Variants in UQCC2 observed in about 807,000 individuals in gnomAD.
UQCC2 encodes the protein breast cancer-associated protein SGA-81M.
Under a neutral mutation model 19.9 loss-of-function variants are expected in UQCC2, and 21 were observed. The ratio of observed to expected loss-of-function variants is 1.05; its 90% CI spans 0.75 to 1.52. The LOEUF is 1.52. UQCC2 is among the 40% of genes most tolerant of loss of function. The pLI is 0.00. For synonymous variants in UQCC2, 57 were observed against 60.9 expected, an observed-to-expected ratio of 0.94 and a Z score of 0.30; for missense variants, 135 against 157.5, an observed-to-expected ratio of 0.86 and a Z score of 0.76.
chr6:33,711,697 G>C lies in UQCC2; in HGVS notation c.-11C>G. 1.2e-6 allele frequency: 2 copies of C among 1,603,132 alleles called. No homozygotes were observed. The highest frequency in any genetic ancestry group is 1.7e-6 in the Non-Finnish European group (2 of 1,176,300). Reference sequence around the variant, plus strand: ...CCGGCTGGCCGCCATCTTGGGCCCCGCGTGTTCCCGCCTTAGCGGGAGGAG... The same window carrying C: ...CCGGCTGGCCGCCATCTTGGGCCCCCCGTGTTCCCGCCTTAGCGGGAGGAG... On this transcript the variant is annotated 5_prime_UTR_variant, in exon 1 of 4. Coordinates refer to ENST00000607484, the MANE Select transcript of UQCC2 (RefSeq NM_032340.4).
In UQCC2 at chr6:33,697,596, A is replaced by G. The variant is rs1353101936; in HGVS notation, c.*57T>C. On this transcript the variant is annotated 3_prime_UTR_variant, in exon 4 of 4. Transcript: ENST00000607484. Reference sequence around the variant, plus strand: ...AGGGGAAACTGGGGCAGTTTTATTGACGATGGCAATGTACAAGACTCCACA... The same window carrying G: ...AGGGGAAACTGGGGCAGTTTTATTGGCGATGGCAATGTACAAGACTCCACA... 7.4e-7 allele frequency: 1 copy of G among 1,356,258 alleles called. No individual in the cohort carries two copies. Among genetic ancestry groups the G allele is most frequent in the Non-Finnish European group, 1.0e-6 (1 of 979,962 alleles). The allele number at this position is 1,356,258 out of a possible 1,614,324, so 84.0% of individuals were successfully genotyped here.
At chr6:33,702,822 A>C (rs1034006561) in intron 1 of UQCC2, among the ~76,000 whole-genome samples, 3 of 152,240 alleles carry the variant, frequency 2.0e-5, no homozygotes, top group Non-Finnish European at 4.4e-5. Context: ...GAGCATAAAT[A>C]AATCAGTAGT....
chr6:33,701,250 A>T lies in UQCC2; in HGVS notation c.213+96T>A, dbSNP rs1765636270. On this transcript the variant is annotated intron_variant, in intron 2 of 3. Transcript: ENST00000607484. ...GGTTTCATTTGAACGCAGCAAAGCCAAGTCTTTACAAAACATTACCTAATC... is the reference window on the plus strand; with the variant it reads ...GGTTTCATTTGAACGCAGCAAAGCCTAGTCTTTACAAAACATTACCTAATC... 25 of 1,344,438 alleles carry T rather than the reference A, an allele frequency of 1.9e-5. No individual in the cohort carries two copies. The South Asian group carries it at 3.1e-4, about 16-fold the overall frequency. The allele number at this position is 1,344,438 out of a possible 1,614,324, so 83.3% of individuals were successfully genotyped here.
chr6:33,706,052 A>C (rs543300702), intron 1 of UQCC2, among the ~76,000 whole-genome samples: 1 of 152,284 alleles, frequency 6.6e-6, no homozygotes, highest in South Asian at 2.1e-4. Context: ...TTAAACTTTT[A>C]TACATACAAA....
chr6:33,711,411 GA>G, intron 1 of UQCC2, 137 bp downstream of exon 1: 16 of 1,281,936 alleles, frequency 1.2e-5, no homozygotes, highest in African/African-American at 4.6e-5. Flanking sequence ...CTCCCTGGGG[GA>G]AAAAGGGGGT....
chr6:33,700,687 T>G (rs949974957), intron 2 of UQCC2, among the ~76,000 whole-genome samples, 174 bp from the exon 3 acceptor site: 1 of 152,142 alleles, frequency 6.6e-6, no homozygotes, highest in African/African-American at 2.4e-5. Context: ...CAGTACAGTC[T>G]CCAGGAGGCA....
At chr6:33,699,136 G>T (rs945638017) in intron 3 of UQCC2, among the ~76,000 whole-genome samples, 5 of 152,120 alleles carry the variant, frequency 3.3e-5, no homozygotes, top group Non-Finnish European at 5.9e-5. Context: ...GCACATTTCA[G>T]ACTTGCCAGG....
chr6:33,697,374 C>T lies in UQCC2; in HGVS notation c.*279G>A. ...GCTCCCGTGGCAATGCAGGAAGCACCTTGTGCCGAGGCCCCATTACCCTCA... is the reference window on the plus strand; with the variant it reads ...GCTCCCGTGGCAATGCAGGAAGCACTTTGTGCCGAGGCCCCATTACCCTCA... On this transcript the variant is annotated 3_prime_UTR_variant, in exon 4 of 4. Coordinates refer to ENST00000607484, the MANE Select transcript of UQCC2 (RefSeq NM_032340.4). 3.0e-6 allele frequency: 1 copy of T among 337,146 alleles called. No individual in the cohort carries two copies. The highest frequency in any genetic ancestry group is 5.4e-6 in the Non-Finnish European group (1 of 186,678). 20.9% of individuals were successfully genotyped at this position (337,146 alleles called of 1,614,324 possible).
At position 33,697,567 on chromosome 6, in the gene UQCC2, G is replaced by C. The variant is rs1207907623; in HGVS notation, c.*86C>G. On this transcript the variant is annotated 3_prime_UTR_variant, in exon 4 of 4. Coordinates refer to ENST00000607484, the MANE Select transcript of UQCC2 (RefSeq NM_032340.4). ...CTAGAGGAGATTCCCAAACCGTAAGGTCAAGGGGAAACTGGGGCAGTTTTA... is the reference window on the plus strand; with the variant it reads ...CTAGAGGAGATTCCCAAACCGTAAGCTCAAGGGGAAACTGGGGCAGTTTTA... The C allele has an allele frequency of 9.6e-7, 1 of 1,043,792 alleles. No individual in the cohort carries two copies. Among genetic ancestry groups the C allele is most frequent in the Non-Finnish European group, 1.4e-6 (1 of 710,912 alleles). The allele number at this position is 1,043,792 out of a possible 1,614,324, so 64.7% of individuals were successfully genotyped here. A position where few individuals can be genotyped will look rare whatever the true frequency, so the allele number is the denominator to read the frequency against.
chr6:33,700,612 GC>G (rs1765627977), intron 2 of UQCC2, 99 bp from the exon 3 acceptor site: 3 of 1,273,614 alleles, frequency 2.4e-6, no homozygotes, highest in Non-Finnish European at 3.4e-6. Context: ...GCAACCAGAG[GC>G]CAGGAGGCCT....
intron 3 of UQCC2, among the ~76,000 whole-genome samples, chr6:33,699,855 G>A (rs1211491408): frequency 1.3e-5 from 2 of 152,206 alleles, no homozygotes; most frequent in East Asian, 1.9e-4. Context: ...TAATTTTCCA[G>A]TACCTGCCTA....
In UQCC2 at chr6:33,697,663, T is replaced by G; in HGVS notation, c.371A>C (p.His124Pro). 1 of 1,613,336 alleles carries G rather than the reference T, an allele frequency of 6.2e-7. No homozygotes were observed. The highest frequency in any genetic ancestry group is 1.3e-5 in the African/African-American group (1 of 75,022). The change falls in exon 4 of 4, where the codon CAT becomes CCT. Residue 124 changes from histidine (H) to proline (P), a missense_variant. By Grantham distance (77) the His-to-Pro change is moderately conservative (BLOSUM62 -2). Coordinates refer to ENST00000607484, the MANE Select transcript of UQCC2 (RefSeq NM_032340.4). ...KFAPKGPEED[H>P]KA Reference sequence around the variant, plus strand: ...AGGTAAGGCCTGAGCTCAGGCCTTATGATCCTCCTCAGGACCCTTGGGGGC... The same window carrying G: ...AGGTAAGGCCTGAGCTCAGGCCTTAGGATCCTCCTCAGGACCCTTGGGGGC...
chr6:33,697,117 C>T lies in UQCC2; in HGVS notation c.*536G>A. On this transcript the variant is annotated 3_prime_UTR_variant, in exon 4 of 4. Coordinates refer to ENST00000607484, the MANE Select transcript of UQCC2 (RefSeq NM_032340.4). ...GCCAACTGGGCAATGTGGGTTTTTG[C>T]AAGGTCAGGGATAGAGGCCTAAGGT... 6.6e-6 allele frequency: 1 copy of T among 152,624 alleles called. No homozygotes were observed. Among genetic ancestry groups the T allele is most frequent in the Non-Finnish European group, 1.5e-5 (1 of 68,266 alleles). The allele number at this position is 152,624 out of a possible 1,614,324, so 9.5% of individuals were successfully genotyped here.
intron 1 of UQCC2, among the ~76,000 whole-genome samples, chr6:33,703,363 C>T (rs920092802): frequency 3.3e-5 from 5 of 152,182 alleles, no homozygotes; most frequent in African/African-American, 9.7e-5. Context: ...CAGGCTTTCA[C>T]CATGTTGGCC....
intron 1 of UQCC2, among the ~76,000 whole-genome samples, chr6:33,704,196 A>G (rs1485227579): frequency 6.6e-6 from 1 of 152,234 alleles, no homozygotes. Context: ...CCTGTCTCAT[A>G]AAATAAGAGG....
At chr6:33,709,710 T>G (rs535959183) in intron 1 of UQCC2, among the ~76,000 whole-genome samples, 1 of 152,084 alleles carries the variant, frequency 6.6e-6, no homozygotes, top group South Asian at 2.1e-4. Flanking sequence ...ATGATGCCAC[T>G]GGGCGTGCTC....
chr6:33,709,388 A>G (rs1283875331), intron 1 of UQCC2, among the ~76,000 whole-genome samples: 1 of 152,260 alleles, frequency 6.6e-6, no homozygotes, highest in Non-Finnish European at 1.5e-5. Flanking sequence ...CCAATTATTT[A>G]CTTATCCATT....
intron 2 of UQCC2, among the ~76,000 whole-genome samples, chr6:33,700,950 G>A (rs1367096669): frequency 6.6e-6 from 1 of 152,116 alleles, no homozygotes; most frequent in Admixed American, 6.5e-5. Flanking sequence ...TAATCATGTT[G>A]GGCCCAGCTC....
intron 3 of UQCC2, among the ~76,000 whole-genome samples, chr6:33,699,803 T>G (rs1034027149): frequency 1.3e-5 from 2 of 152,196 alleles, no homozygotes; most frequent in African/African-American, 4.8e-5. Context: ...CCAGAAAAGG[T>G]TAACCTATTT....
Sources: gnomAD v4.1 joint callset for allele counts (sites outside exome capture counted in the v4.1 genomes callset) on GRCh38, gnomAD v4.1.1 for gene constraint, MANE v1.5 for transcripts, NCBI Gene and HGNC (gene_info 2026-07-23, HGNC 2026-07-21) for gene names.